POLR2B: variants seen among roughly 807,000 people sequenced by gnomAD.
The protein encoded by POLR2B is DNA-directed RNA polymerase II subunit RPB2.
POLR2B carries 57 observed loss-of-function variants against 144.6 expected under a neutral mutation model. The observed-to-expected ratio is 0.39, with a 90% confidence interval of 0.32 to 0.49. The LOEUF is 0.49. Among genes scored for constraint, POLR2B ranks in the 20% least tolerant of loss-of-function variants. POLR2B has a pLI of 0.83. For missense variants in POLR2B, 595 were observed against 1,467.4 expected (o/e 0.41, Z 9.71); for synonymous variants, 442 against 469.8 (o/e 0.94, Z 0.77).
chr4:56,991,066 G>GT lies in POLR2B; in HGVS notation c.243+175dup, dbSNP rs201442738. Among the ~76,000 whole-genome samples, 963 of 152,214 alleles carry GT rather than the reference G, an allele frequency of 6.3e-3. 9 individuals carry two copies. Among genetic ancestry groups the GT allele is most frequent in the African/African-American group, 0.022 (922 of 41,524 alleles). On this transcript the variant is annotated intron_variant, in intron 3 of 24. Transcript: ENST00000314595. ...TTTATTTTCTCTAATGAAGAGGTGT[G>GT]TTTTTTTGCAAGTTATCCCATCCTT...
At chr4:57,020,627 A>G (rs191433384) in intron 16 of POLR2B, among the ~76,000 whole-genome samples, 5 of 152,260 alleles carry the variant, frequency 3.3e-5, no homozygotes, top group Non-Finnish European at 7.4e-5. Context: ...GGCACTTCCT[A>G]AGTAGGAGGT....
rs1723419646 is a variant in POLR2B, at chr4:57,017,847, A to G, written c.2323+119A>G. The G allele has an allele frequency of 3.2e-6, 2 of 631,596 alleles. No individual in the cohort carries two copies. Among genetic ancestry groups the G allele is most frequent in the Non-Finnish European group, 5.3e-6 (2 of 380,540 alleles). The allele number at this position is 631,596 out of a possible 1,614,324, so 39.1% of individuals were successfully genotyped here. On this transcript the variant is annotated intron_variant, in intron 16 of 24. Transcript: ENST00000314595. The surrounding 1 kb of genome is among the most constrained non-coding windows in gnomAD (Gnocchi z 4.8). ...AGTGCCTGTTCTCACGGAATTTATA[A>G]TATGGTGGGAAACATGAACATAATA...
At chr4:56,984,354 C>T (rs578089998) in intron 1 of POLR2B, among the ~76,000 whole-genome samples, 14 of 150,536 alleles carry the variant, frequency 9.3e-5, no homozygotes, top group African/African-American at 2.7e-4. Flanking sequence ...AATTTTAAAA[C>T]GTTTATTTTA....
chr4:57,006,698 A>G, intron 9 of POLR2B, 118 bp from the exon 10 acceptor site: 1 of 725,948 alleles, frequency 1.4e-6, no homozygotes, highest in Non-Finnish European at 2.4e-6. Flanking sequence ...AACAACTTTC[A>G]CTCTGCCCAA....
At chr4:56,980,349 C>A (rs1157908785) in intron 1 of POLR2B, among the ~76,000 whole-genome samples, 1 of 151,292 alleles carries the variant, frequency 6.6e-6, no homozygotes, top group Non-Finnish European at 1.5e-5. Flanking sequence ...AAGAAAAATT[C>A]GAAAAAAAAG....
At chr4:57,013,614 T>C (rs1198018382) in intron 13 of POLR2B, among the ~76,000 whole-genome samples, 1 of 151,806 alleles carries the variant, frequency 6.6e-6, no homozygotes, top group Non-Finnish European at 1.5e-5. Flanking sequence ...CATGGTTCAC[T>C]GCAGCCTCTA....
chr4:56,982,875 A>C (rs541364367), intron 1 of POLR2B, among the ~76,000 whole-genome samples: 7 of 152,112 alleles, frequency 4.6e-5, no homozygotes, highest in African/African-American at 1.7e-4. Flanking sequence ...TCTGTTGTTG[A>C]AACCGAAAGC....
chr4:57,015,448 A>C, intron 13 of POLR2B, 54 bp from the exon 14 acceptor site: 1 of 950,930 alleles, frequency 1.1e-6, no homozygotes, highest in Non-Finnish European at 1.5e-6. Flanking sequence ...AACTAAGCCT[A>C]ATAATAAAGA....
intron 1 of POLR2B, among the ~76,000 whole-genome samples, chr4:56,985,840 C>T (rs1006306986): frequency 1.3e-5 from 2 of 152,204 alleles, no homozygotes; most frequent in African/African-American, 4.8e-5. Context: ...TCAAAATCTA[C>T]CCGATTCAAG....
chr4:57,019,759 CTTTT>C (rs71208972), intron 16 of POLR2B, among the ~76,000 whole-genome samples: 10 of 98,168 alleles, frequency 1.0e-4, no homozygotes, highest in Admixed American at 1.1e-4. Flanking sequence ...CTAATGATGT[CTTTT>C]TTTTTTTTTT....
At chr4:57,004,352 CTTT>C (rs34205751) in intron 7 of POLR2B, among the ~76,000 whole-genome samples, 5,533 of 140,540 alleles carry the variant, frequency 0.039, 326 homozygotes, top group East Asian at 0.25. Flanking sequence ...CCCAGCAAAT[CTTT>C]TTTTTTTTTT....
chr4:56,998,599 C>T (rs1302095622), intron 6 of POLR2B, among the ~76,000 whole-genome samples: 1 of 152,126 alleles, frequency 6.6e-6, no homozygotes, highest in African/African-American at 2.4e-5. Context: ...CTCAAGCAAT[C>T]CTCCCGCCTT....
At chr4:56,995,881 C>T (rs1012537947) in intron 6 of POLR2B, among the ~76,000 whole-genome samples, 8 of 152,148 alleles carry the variant, frequency 5.3e-5, no homozygotes, top group Non-Finnish European at 8.8e-5. Flanking sequence ...ATAGAGAGTA[C>T]GAGCAAGGTG....
At position 57,023,524 on chromosome 4, in the gene POLR2B, G is replaced by A; in HGVS notation, c.2710G>A (p.Val904Met). ...TFLRTSETGI[V>M]DQVMVTLNQE... is the part of the protein sequence containing the mutation. ...TCTCAGAACTAGCGAGACGGGCATTGTGGATCAGGTTATGGTAACTCTCAA... is the reference window on the plus strand; with the variant it reads ...TCTCAGAACTAGCGAGACGGGCATTATGGATCAGGTTATGGTAACTCTCAA... The change falls in exon 19 of 25, where the codon GTG (valine) becomes ATG (methionine). Residue 904 changes from valine (V) to methionine (M), a missense_variant. Physicochemically the swap from Val to Met is conservative, Grantham distance 21 (BLOSUM62 1). Coordinates refer to ENST00000314595, the MANE Select transcript of POLR2B (RefSeq NM_000938.3). This position sits in a 1 kb window ranked among gnomAD's most constrained non-coding sequence, Gnocchi z 4.3. 1 of 1,613,944 alleles carries A rather than the reference G, an allele frequency of 6.2e-7. No individual in the cohort carries two copies. Among genetic ancestry groups the A allele is most frequent in the Non-Finnish European group, 8.5e-7 (1 of 1,179,780 alleles).
chr4:57,001,310 C>T (rs1394443982), intron 7 of POLR2B, among the ~76,000 whole-genome samples: 1 of 152,066 alleles, frequency 6.6e-6, no homozygotes, highest in Non-Finnish European at 1.5e-5. Flanking sequence ...AGGCACGTGC[C>T]ACCACACCTG....
At chr4:56,982,668 ATAAT>A in intron 1 of POLR2B, among the ~76,000 whole-genome samples, 1 of 152,178 alleles carries the variant, frequency 6.6e-6, no homozygotes, top group South Asian at 2.1e-4. Flanking sequence ...TTACAAGTAA[ATAAT>A]TATTTATATA....
chr4:56,986,359 C>G lies in POLR2B; in HGVS notation c.25C>G (p.Gln9Glu). The G allele has an allele frequency of 6.2e-7, 1 of 1,602,096 alleles. No individual in the cohort carries two copies. Among genetic ancestry groups the G allele is most frequent in the Non-Finnish European group, 8.6e-7 (1 of 1,169,336 alleles). The change falls in exon 2 of 25, where the codon CAA becomes GAA. Residue 9 changes from glutamine (Q) to glutamate (E), a missense_variant. Physicochemically the swap from Gln to Glu is conservative, Grantham distance 29. Around this residue, in one of 9 missense-constraint regions of POLR2B, gnomAD observed 25 missense variants for 26.1 expected, o/e 0.96. Transcript: ENST00000314595. ...CAATATTTTTGTTTTTACAGATATG[C>G]AATATGATGAGGATGATGATGAAAT... The part of the protein sequence containing the change: MYDADEDM[Q>E]YDEDDDEITP...
In POLR2B at chr4:57,017,580, G is replaced by A; in HGVS notation, c.2175G>A (p.Gln725=). 6.2e-7 allele frequency: 1 copy of A among 1,610,448 alleles called. No homozygotes were observed. Among genetic ancestry groups the A allele is most frequent in the South Asian group, 1.1e-5 (1 of 90,144 alleles). ...TTTAGTCCCCTAGAAACACATACCA[G>A]TCTGCTATGGGTAAGCAGGCTATGG... ...DHNQSPRNTY[Q]SAMGKQAMGV... is the part of the protein sequence containing the mutation. Residue 725 remains glutamine (Q), a synonymous_variant, in exon 16 of 25, where the codon CAG becomes CAA. Coordinates refer to ENST00000314595, the MANE Select transcript of POLR2B (RefSeq NM_000938.3). This position sits in a 1 kb window ranked among gnomAD's most constrained non-coding sequence, Gnocchi z 4.8.
chr4:57,029,969 A>G lies in POLR2B; in HGVS notation c.3240-235A>G, dbSNP rs567511797. Among the ~76,000 whole-genome samples, 262 of 152,166 alleles carry G rather than the reference A, an allele frequency of 1.7e-3. 3 individuals carry two copies. Among genetic ancestry groups the G allele is most frequent in the Non-Finnish European group, 1.8e-3 (119 of 68,000 alleles). Reference sequence around the variant, plus strand: ...AGAGATCCACCCAGTCCACTTCCCAAAGTGCTGGGATTACAGGGGTGAGCC... The same window carrying G: ...AGAGATCCACCCAGTCCACTTCCCAGAGTGCTGGGATTACAGGGGTGAGCC... On this transcript the variant is annotated intron_variant, in intron 23 of 24. Coordinates refer to ENST00000314595, the MANE Select transcript of POLR2B (RefSeq NM_000938.3).
Sources: allele counts gnomAD v4.1 joint callset (sites outside exome capture counted in the v4.1 genomes callset), GRCh38; gene constraint gnomAD v4.1.1; regional missense constraint gnomAD v4.1.1; non-coding constraint Gnocchi (gnomAD v3.1); transcripts MANE v1.5; gene names NCBI Gene and HGNC (gene_info 2026-07-23, HGNC 2026-07-21).